Variants in DNAJB11 observed in about 807,000 individuals in gnomAD.
DNAJB11 encodes DnaJ heat shock protein family (Hsp40) member B11, also known as dnaJ homolog subfamily B member 11.
DNAJB11 carries 30 observed loss-of-function variants against 47.2 expected under a neutral mutation model. The ratio of observed to expected loss-of-function variants is 0.64; its 90% CI spans 0.48 to 0.86. The LOEUF (loss-of-function observed/expected upper bound fraction) is 0.86, where lower values mean the gene tolerates loss of function less well. DNAJB11 is among the 40% of genes least tolerant of loss of function. The probability of loss-of-function intolerance (pLI) is 0.00; values close to 1 mark genes in which losing one functional copy is unlikely to be tolerated. For synonymous variants in DNAJB11, 151 were observed against 159.9 expected, an observed-to-expected ratio of 0.94 and a Z score of 0.42; for missense variants, 357 against 440.2, an observed-to-expected ratio of 0.81 and a Z score of 1.69.
intron 6 of DNAJB11, 86 bp from the exon 7 acceptor site, chr3:186,582,630 G>A: frequency 9.0e-7 from 1 of 1,116,138 alleles, no homozygotes; most frequent in Non-Finnish European, 1.3e-6. Flanking sequence ...CCAAAGTAGT[G>A]GATTAAAAAA....
intron 3 of DNAJB11, 82 bp from the exon 4 acceptor site, chr3:186,577,586 C>G: frequency 3.1e-6 from 4 of 1,296,886 alleles, no homozygotes; most frequent in Non-Finnish European, 4.2e-6. Flanking sequence ...AATAGTTTAT[C>G]AACGTAAAGA....
intron 2 of DNAJB11, among the ~76,000 whole-genome samples, chr3:186,574,571 T>C (rs942717651): frequency 2.6e-5 from 4 of 152,222 alleles, no homozygotes; most frequent in Non-Finnish European, 5.9e-5. Context: ...TCTCCCTTTT[T>C]CTTTCATAGT....
chr3:186,576,017 AG>A lies in DNAJB11; in HGVS notation c.323+81del, dbSNP rs1428591213. Reference sequence around the variant, plus strand: ...GATTAAAGAATTATTCTCATTCCCTAGTTCAGAAACTTTTGATGAACAGTAC... The same window carrying A: ...GATTAAAGAATTATTCTCATTCCCTATTCAGAAACTTTTGATGAACAGTAC... On this transcript the variant is annotated intron_variant, in intron 3 of 9. Coordinates refer to ENST00000265028, the MANE Select transcript of DNAJB11 (RefSeq NM_016306.6). 3.7e-6 allele frequency: 4 copies of A among 1,072,848 alleles called. No individual in the cohort carries two copies. The African/African-American group carries it at 4.8e-5, about 13-fold the overall frequency. The allele number at this position is 1,072,848 out of a possible 1,614,324, so 66.5% of individuals were successfully genotyped here. A position where few individuals can be genotyped will look rare whatever the true frequency, so the allele number is the denominator to read the frequency against.
At chr3:186,584,398 C>T in intron 8 of DNAJB11, 32 bp from the exon 9 acceptor site, 2 of 1,513,938 alleles carry the variant, frequency 1.3e-6, no homozygotes, top group Non-Finnish European at 8.8e-7. Flanking sequence ...ATGTACCGCT[C>T]CTGCTGCAGT....
Position 186,582,656 on chromosome 3 carries a change from A to G in DNAJB11, c.683-60A>G, listed in dbSNP as rs111362821. 3,357 of 1,402,662 alleles carry G rather than the reference A, an allele frequency of 2.4e-3. 81 individuals are homozygous for G. The East Asian group carries it at 0.055, about 23-fold the overall frequency. The allele number at this position is 1,402,662 out of a possible 1,614,324, so 86.9% of individuals were successfully genotyped here. A position where few individuals can be genotyped will look rare whatever the true frequency, so the allele number is the denominator to read the frequency against. On this transcript the variant is annotated intron_variant, in intron 6 of 9. Coordinates refer to ENST00000265028, the MANE Select transcript of DNAJB11 (RefSeq NM_016306.6). ...GATTAAAAAAATGTATCAGTTGCCA[A>G]ATAGATTTGTGGTATTCAACTTGTA...
At chr3:186,575,972 C>T in intron 3 of DNAJB11, 35 bp downstream of exon 3, 1 of 1,445,430 alleles carries the variant, frequency 6.9e-7, no homozygotes, top group Admixed American at 1.7e-5. Flanking sequence ...GTGTTAGTGT[C>T]TGAGAGAGGG....
chr3:186,571,520 A>T (rs796423412), intron 1 of DNAJB11, among the ~76,000 whole-genome samples: 8 of 152,272 alleles, frequency 5.3e-5, no homozygotes, highest in African/African-American at 1.9e-4. Flanking sequence ...ACGAAATTGG[A>T]TGCGGGATGG....
intron 3 of DNAJB11, among the ~76,000 whole-genome samples, chr3:186,577,220 A>G (rs1451452279): frequency 2.6e-5 from 4 of 152,226 alleles, no homozygotes; most frequent in Non-Finnish European, 5.9e-5. Context: ...AGAGAACACT[A>G]CATATGTTAA....
chr3:186,574,908 A>C (rs957826840), intron 2 of DNAJB11, among the ~76,000 whole-genome samples: 1 of 152,210 alleles, frequency 6.6e-6, no homozygotes, highest in African/African-American at 2.4e-5. Context: ...GAAGATTTTA[A>C]AGCCATTTAA....
At chr3:186,573,116 T>G (rs1399699040) in intron 2 of DNAJB11, among the ~76,000 whole-genome samples, 1 of 152,206 alleles carries the variant, frequency 6.6e-6, no homozygotes, top group African/African-American at 2.4e-5. Context: ...TATTCTCATT[T>G]TCTAAATGGA....
chr3:186,570,803 A>G lies in DNAJB11; in HGVS notation c.-95A>G. 3 of 1,175,702 alleles carry G rather than the reference A, an allele frequency of 2.6e-6. No homozygotes were observed. The highest frequency in any genetic ancestry group is 1.6e-5 in the African/African-American group (1 of 64,402). 72.8% of individuals were successfully genotyped at this position (1,175,702 alleles called of 1,614,324 possible). A position where few individuals can be genotyped will look rare whatever the true frequency, so the allele number is the denominator to read the frequency against. On this transcript the variant is annotated 5_prime_UTR_variant, in exon 1 of 10. Transcript: ENST00000265028. ...GAGACCCCCGCGCCCCCCCGGTGTG[A>G]GGCGGCCTCACAGGGCCGGGTGGGC...
chr3:186,583,918 CATTA>C lies in DNAJB11; in HGVS notation c.795_798del (p.Val267SerfsTer51). 1 of 1,613,734 alleles carries C rather than the reference CATTA, an allele frequency of 6.2e-7. No individual in the cohort carries two copies. ...GATTTGTACACAAATGTGACAATCT[CATTA>C]GTTGAGTCACTGGTTGGCTTTGAGA... On this transcript the variant is annotated frameshift_variant, in exon 8 of 10. Transcript: ENST00000265028. LOFTEE classifies it high-confidence loss of function.
chr3:186,576,084 G>A (rs1368564434), intron 3 of DNAJB11, 147 bp downstream of exon 3: 1 of 593,742 alleles, frequency 1.7e-6, no homozygotes, highest in Non-Finnish European at 2.9e-6. Context: ...CCTCCCTGTG[G>A]GAAGATAGTC....
intron 5 of DNAJB11, 94 bp downstream of exon 5, chr3:186,581,607 G>A: frequency 7.2e-7 from 1 of 1,397,896 alleles, no homozygotes; most frequent in Admixed American, 2.3e-5. Context: ...ATCTTTCTCT[G>A]TCCCCTCCCC....
rs773582025 is a variant in DNAJB11, at chr3:186,570,849, G to A, written c.-49G>A. 12 of 1,556,628 alleles carry A rather than the reference G, an allele frequency of 7.7e-6. No individual in the cohort carries two copies. The East Asian group carries it at 2.6e-4, about 34-fold the overall frequency. ...TGGGCTGGCGAGCCGACGCGGCGGCGGAGGAGGCTGTGAGGAGTGTGTGGA... is the reference window on the plus strand; with the variant it reads ...TGGGCTGGCGAGCCGACGCGGCGGCAGAGGAGGCTGTGAGGAGTGTGTGGA... On this transcript the variant is annotated 5_prime_UTR_variant, in exon 1 of 10. Transcript: ENST00000265028.
At chr3:186,579,844 G>A (rs1715421387) in intron 4 of DNAJB11, 2 of 152,208 alleles carry the variant, frequency 1.3e-5, no homozygotes, top group South Asian at 4.1e-4. Flanking sequence ...ATTCTGTGCT[G>A]TAGTTACTGT....
intron 9 of DNAJB11, 147 bp downstream of exon 9, chr3:186,584,736 C>T: frequency 1.1e-6 from 1 of 884,918 alleles, no homozygotes; most frequent in Non-Finnish European, 1.6e-6. Flanking sequence ...GGAATGAACT[C>T]ATCTTTCTCT....
At chr3:186,579,922 T>C (rs1715424518) in intron 4 of DNAJB11, 1 of 152,242 alleles carries the variant, frequency 6.6e-6, no homozygotes, top group South Asian at 2.1e-4. Flanking sequence ...AGCCTGTGCA[T>C]ATGTGCCATC....
In DNAJB11 at chr3:186,585,484, G is replaced by A; in HGVS notation, c.*76G>A. ...TTATCTGCAAGGTTTTTTTGTGTGT[G>A]TTTTTGTTTTTATTTTCAATATGCA... On this transcript the variant is annotated 3_prime_UTR_variant, in exon 10 of 10. Transcript: ENST00000265028. 1 of 1,182,568 alleles carries A rather than the reference G, an allele frequency of 8.5e-7. No individual in the cohort carries two copies. The highest frequency in any genetic ancestry group is 2.6e-5 in the East Asian group (1 of 39,048). The allele number at this position is 1,182,568 out of a possible 1,614,324, so 73.3% of individuals were successfully genotyped here.
Sources: allele counts gnomAD v4.1 joint callset (sites outside exome capture counted in the v4.1 genomes callset), GRCh38; gene constraint gnomAD v4.1.1; transcripts MANE v1.5; gene names NCBI Gene and HGNC (gene_info 2026-07-23, HGNC 2026-07-21).